Variants in POU2F1 observed in about 807,000 individuals in gnomAD.
POU2F1 encodes the protein POU domain, class 2, transcription factor 1.
In POU2F1, 16 loss-of-function variants were observed where a neutral mutation model predicts 84.9. That is an observed-to-expected ratio of 0.19 (90% CI 0.13 to 0.29). POU2F1 has a LOEUF of 0.29. Among genes scored for constraint, POU2F1 ranks in the 10% least tolerant of loss-of-function variants. The pLI is 1.00. For synonymous variants in POU2F1, 368 were observed against 368.3 expected (o/e 1.00, Z 0.01); for missense variants, 738 against 942.6 (o/e 0.78, Z 2.84).
chr1:167,366,175 T>C (rs1659676189), intron 3 of POU2F1, among the ~76,000 whole-genome samples: 1 of 152,206 alleles, frequency 6.6e-6, no homozygotes, highest in South Asian at 2.1e-4. Context: ...AAACAAACAC[T>C]GGCTACTCAA....
chr1:167,394,310 C>T (rs984262019), intron 9 of POU2F1, among the ~76,000 whole-genome samples: 6 of 152,052 alleles, frequency 3.9e-5, no homozygotes, highest in Non-Finnish European at 7.4e-5. Context: ...TGTGAGCCAC[C>T]GTGCCCTGCC....
intron 1 of POU2F1, among the ~76,000 whole-genome samples, chr1:167,247,708 G>A (rs1650438698): frequency 6.6e-6 from 1 of 152,128 alleles, no homozygotes; most frequent in African/African-American, 2.4e-5. Flanking sequence ...AGTAAGGTAA[G>A]TGGAATATGT....
chr1:167,227,144 C>T (rs1307733332), intron 1 of POU2F1, among the ~76,000 whole-genome samples: 1 of 152,072 alleles, frequency 6.6e-6, no homozygotes, highest in Non-Finnish European at 1.5e-5. Context: ...ATACATTATA[C>T]TAACTTTTTT....
chr1:167,277,353 T>G (rs1255808230), intron 1 of POU2F1, among the ~76,000 whole-genome samples: 2 of 152,086 alleles, frequency 1.3e-5, no homozygotes, highest in African/African-American at 4.8e-5. Flanking sequence ...CTACCTGCCT[T>G]GGCCTCCTAA....
intron 2 of POU2F1, among the ~76,000 whole-genome samples, chr1:167,338,493 A>T (rs1188368573): frequency 2.0e-5 from 3 of 152,122 alleles, no homozygotes; most frequent in Admixed American, 2.0e-4. Flanking sequence ...CGACTGTATG[A>T]CCTTTCTGTA....
chr1:167,228,962 A>G (rs1648854311), intron 1 of POU2F1, among the ~76,000 whole-genome samples: 1 of 152,150 alleles, frequency 6.6e-6, no homozygotes, highest in South Asian at 2.1e-4. Context: ...AGTCGAGTAA[A>G]ATAAAACTTA....
At chr1:167,404,002 A>G (rs1284698006) in intron 13 of POU2F1, among the ~76,000 whole-genome samples, 1 of 152,004 alleles carries the variant, frequency 6.6e-6, no homozygotes, top group South Asian at 2.1e-4. Context: ...TCTGATTTCA[A>G]TCTCTTTTTC....
chr1:167,265,872 C>G (rs1435372436), intron 1 of POU2F1, among the ~76,000 whole-genome samples: 1 of 152,232 alleles, frequency 6.6e-6, no homozygotes, highest in African/African-American at 2.4e-5. Context: ...GTCAGTAGTA[C>G]TTAGGTTGAG....
At chr1:167,245,974 ATACT>A (rs1475244251) in intron 1 of POU2F1, among the ~76,000 whole-genome samples, 1 of 152,274 alleles carries the variant, frequency 6.6e-6, no homozygotes, top group African/African-American at 2.4e-5. Flanking sequence ...AGACAAAAAA[ATACT>A]TTCTGAAAAT....
rs950688070 is a variant in POU2F1 at position 167,417,520 on chromosome 1, G to T, written c.*1710G>T. 1 of 152,176 alleles carries T rather than the reference G, an allele frequency of 6.6e-6. No individual in the cohort carries two copies. Among genetic ancestry groups the T allele is most frequent in the Non-Finnish European group, 1.5e-5 (1 of 68,024 alleles). The allele number at this position is 152,176 out of a possible 1,614,324, so 9.4% of individuals were successfully genotyped here. A position where few individuals can be genotyped will look rare whatever the true frequency, so the allele number is the denominator to read the frequency against. ...TTCCTTTTTTTGTCAGTGTACTGTTGTTATGCCATCTGTACCAAAAAATTT... is the reference window on the plus strand; with the variant it reads ...TTCCTTTTTTTGTCAGTGTACTGTTTTTATGCCATCTGTACCAAAAAATTT... On this transcript the variant is annotated 3_prime_UTR_variant, in exon 16 of 16. Coordinates refer to ENST00000367866, the MANE Select transcript of POU2F1 (RefSeq NM_002697.4).
At chr1:167,303,060 C>T (rs531890389) in intron 1 of POU2F1, among the ~76,000 whole-genome samples, 122 of 151,892 alleles carry the variant, frequency 8.0e-4, no homozygotes, top group Non-Finnish European at 1.5e-3. Flanking sequence ...CTATCTATAT[C>T]GTCTATCTAT....
At position 167,412,055 on chromosome 1, in the gene POU2F1, C is replaced by T. The variant is rs770856432; in HGVS notation, c.1652C>T (p.Pro551Leu). The change falls in exon 14 of 16, where the codon CCT (proline) becomes CTT (leucine). Residue 551 changes from proline to leucine, a missense_variant. Pro to Leu is a moderately conservative substitution (Grantham distance 98). Coordinates refer to ENST00000367866, the MANE Select transcript of POU2F1 (RefSeq NM_002697.4). The stretch of plus-strand genomic sequence containing the variant: ...ACGTCCCCCTCTCTGAGTCCCTCCC[C>T]TTCTGCCTCAGCCTCCACCTCCGAG... ...AVTSPSLSPS[P>L]SASASTSEAS... The T allele has an allele frequency of 1.2e-6, 2 of 1,614,238 alleles. No homozygotes were observed. The highest frequency in any genetic ancestry group is 1.7e-6 in the Non-Finnish European group (2 of 1,180,026).
At chr1:167,315,313 A>C (rs918818065) in intron 1 of POU2F1, among the ~76,000 whole-genome samples, 1 of 152,216 alleles carries the variant, frequency 6.6e-6, no homozygotes, top group African/African-American at 2.4e-5. Flanking sequence ...TGTGCTTTAC[A>C]TATTATATAT....
intron 1 of POU2F1, among the ~76,000 whole-genome samples, chr1:167,221,238 C>T (rs1191397644): frequency 6.6e-6 from 1 of 151,232 alleles, no homozygotes; most frequent in African/African-American, 2.4e-5. Context: ...GCCGTCTGCC[C>T]GTCGGCACCG....
chr1:167,333,565 C>T (rs532408881), intron 2 of POU2F1, among the ~76,000 whole-genome samples: 1 of 152,178 alleles, frequency 6.6e-6, no homozygotes, highest in South Asian at 2.1e-4. Flanking sequence ...GCCTGTATGT[C>T]TTTTGCTGTA....
intron 5 of POU2F1, 144 bp downstream of exon 5, chr1:167,372,180 T>G (rs1276125520): frequency 2.0e-6 from 2 of 1,016,256 alleles, no homozygotes; most frequent in Admixed American, 2.7e-5. Context: ...CTTCCTACAC[T>G]GTAGGTAGTA....
intron 1 of POU2F1, among the ~76,000 whole-genome samples, chr1:167,266,543 T>C (rs531444749): frequency 1.3e-5 from 2 of 152,114 alleles, no homozygotes; most frequent in Admixed American, 1.3e-4. Context: ...TTTAAAAGAT[T>C]GTTGTCTGGG....
In POU2F1 at chr1:167,412,066, G is replaced by A. The variant is rs767389373; in HGVS notation, c.1663G>A (p.Ala555Thr). ...PSLSPSPSAS[A>T]STSEASSASE... ...TCTGAGTCCCTCCCCTTCTGCCTCA[G>A]CCTCCACCTCCGAGGCATCCAGTGC... The change falls in exon 14 of 16, where the codon GCC becomes ACC. Residue 555 changes from alanine (A) to threonine (T), a missense_variant. By Grantham distance (58) the Ala-to-Thr change is moderately conservative (BLOSUM62 0). Transcript: ENST00000367866. 5 of 1,614,136 alleles carry A rather than the reference G, an allele frequency of 3.1e-6. No individual in the cohort carries two copies. Among genetic ancestry groups the A allele is most frequent in the Admixed American group, 1.7e-5 (1 of 60,012 alleles).
At chr1:167,323,622 T>G (rs75808391) in intron 1 of POU2F1, among the ~76,000 whole-genome samples, 3 of 152,190 alleles carry the variant, frequency 2.0e-5, no homozygotes, top group Non-Finnish European at 4.4e-5. Flanking sequence ...TGTAAAGTTA[T>G]TAAGAACCAT....
Sources: gnomAD v4.1 joint callset for allele counts (sites outside exome capture counted in the v4.1 genomes callset) on GRCh38, gnomAD v4.1.1 for gene constraint, MANE v1.5 for transcripts, NCBI Gene and HGNC (gene_info 2026-07-23, HGNC 2026-07-21) for gene names.